RDX: variants seen among roughly 807,000 people sequenced by gnomAD.
RDX encodes the protein radixin.
In RDX, 32 loss-of-function variants were observed where a neutral mutation model predicts 83.7. That is an observed-to-expected ratio of 0.38 (90% CI 0.29 to 0.51). The LOEUF (loss-of-function observed/expected upper bound fraction) is 0.51, where lower values mean the gene tolerates loss of function less well. RDX is among the 20% of genes least tolerant of loss of function. RDX has a pLI of 0.87. For missense variants in RDX, 600 were observed against 689.9 expected, an observed-to-expected ratio of 0.87 and a Z score of 1.46; for synonymous variants, 229 against 222.7, an observed-to-expected ratio of 1.03 and a Z score of -0.25.
At chr11:110,249,809 T>A (rs938659138) in intron 9 of RDX, among the ~76,000 whole-genome samples, 10 of 152,130 alleles carry the variant, frequency 6.6e-5, no homozygotes, top group Non-Finnish European at 1.5e-4. Flanking sequence ...AGGAGGTCAA[T>A]GTTGCAGTTA....
rs188710710 is a variant in RDX, at chr11:110,262,151, C to G, written c.467+1809G>C. On this transcript the variant is annotated intron_variant, in intron 5 of 13. Coordinates refer to ENST00000645495, the MANE Select transcript of RDX (RefSeq NM_002906.4). ...GATGAAGAATCTTAGGTTAGAATAA[C>G]ATTCAAAACCAGAATATAAACAGAC... Among the ~76,000 whole-genome samples the G allele has an allele frequency of 2.0e-3, 310 of 152,222 alleles. 2 individuals are homozygous for G. Among genetic ancestry groups the G allele is most frequent in the African/African-American group, 4.8e-3 (199 of 41,548 alleles).
chr11:110,207,671 A>G (rs2134248947), intron 14 of RDX, among the ~76,000 whole-genome samples: 1 of 152,214 alleles, frequency 6.6e-6, no homozygotes, highest in South Asian at 2.1e-4. Flanking sequence ...CATGAATTGT[A>G]TGAAATTCAG....
chr11:110,192,348 A>G (rs1274993495), intron 15 of RDX, among the ~76,000 whole-genome samples: 2 of 152,220 alleles, frequency 1.3e-5, no homozygotes, highest in East Asian at 3.8e-4. Context: ...AAAAGAATGA[A>G]ACTAGACCAC....
chr11:110,295,653 A>AAAAC (rs1555051126), intron 1 of RDX, among the ~76,000 whole-genome samples: 2,130 of 150,946 alleles, frequency 0.014, 64 homozygotes, highest in African/African-American at 0.049. Flanking sequence ...AAAAAAAAAA[A>AAAAC]AAAACAAAAA....
At chr11:110,295,274 C>T (rs1194835996) in intron 1 of RDX, among the ~76,000 whole-genome samples, 5 of 145,660 alleles carry the variant, frequency 3.4e-5, no homozygotes, top group African/African-American at 1.3e-4. Flanking sequence ...TCCTTCTTAG[C>T]TCCATCAGTC....
chr11:110,225,837 A>T (rs1206924335), downstream of RDX, among the ~76,000 whole-genome samples: 2 of 152,060 alleles, frequency 1.3e-5, no homozygotes, highest in Admixed American at 6.6e-5. Context: ...ACCTGAGGTT[A>T]GGAGTTCAAG....
At chr11:110,217,302 C>T (rs1269674059) in intron 14 of RDX, among the ~76,000 whole-genome samples, 1 of 152,128 alleles carries the variant, frequency 6.6e-6, no homozygotes, top group African/African-American at 2.4e-5. Context: ...ATGATTCAAC[C>T]TAGTAATACA....
intron 1 of RDX, among the ~76,000 whole-genome samples, chr11:110,290,157 C>T (rs1264087088): frequency 6.6e-6 from 1 of 151,784 alleles, no homozygotes; most frequent in African/African-American, 2.4e-5. Flanking sequence ...AAGAAACATC[C>T]AGAACTCACA....
At chr11:110,179,919 T>TTTTTTTACA in intron 15 of RDX, 1 of 414,466 alleles carries the variant, frequency 2.4e-6, no homozygotes, top group Non-Finnish European at 4.7e-6. Context: ...TTTTTTTTTT[T>TTTTTTTACA]GAGACAGAGT....
At chr11:110,204,136 G>A (rs976691308) in intron 14 of RDX, among the ~76,000 whole-genome samples, 3 of 152,094 alleles carry the variant, frequency 2.0e-5, no homozygotes, top group Admixed American at 6.6e-5. Flanking sequence ...AAGTTTTATG[G>A]ATGGAGAAGA....
intron 2 of RDX, among the ~76,000 whole-genome samples, chr11:110,278,739 T>C (rs931512473): frequency 6.6e-6 from 1 of 152,030 alleles, no homozygotes; most frequent in African/African-American, 2.4e-5. Context: ...CCTCTAACAA[T>C]GCATACTTTG....
At chr11:110,234,793 A>G (rs903058825) in intron 12 of RDX, among the ~76,000 whole-genome samples, 11 of 152,228 alleles carry the variant, frequency 7.2e-5, no homozygotes, top group African/African-American at 2.7e-4. Flanking sequence ...AAATTACCCA[A>G]TGAAATTTAA....
intron 7 of RDX, among the ~76,000 whole-genome samples, chr11:110,257,179 T>C (rs1386441070): frequency 2.0e-5 from 3 of 151,212 alleles, no homozygotes; most frequent in South Asian, 2.1e-4. Flanking sequence ...ATATTATACA[T>C]ATAATAAAAT....
At position 110,210,970 on chromosome 11, in the gene RDX, G is replaced by A. The variant is rs145082094; in HGVS notation, c.1749-11292C>T. Among the ~76,000 whole-genome samples the A allele has an allele frequency of 9.4e-3, 1,424 of 151,112 alleles. 30 individuals carry two copies. Among genetic ancestry groups the A allele is most frequent in the African/African-American group, 0.033 (1,354 of 41,076 alleles). On this transcript the variant is annotated intron_variant, in intron 14 of 15. Coordinates refer to the RDX transcript ENST00000528498. ...ATAACCAGCTAACATCATAATGACA[G>A]GATCAAATTCACACATAACAATATT... is the stretch of plus-strand genomic sequence containing the variant.
chr11:110,183,212 G>A (rs1862922181), intron 15 of RDX, among the ~76,000 whole-genome samples: 2 of 152,214 alleles, frequency 1.3e-5, no homozygotes, highest in Admixed American at 1.3e-4. Flanking sequence ...GGACCTGCCA[G>A]CTCCTCTCAG....
At chr11:110,234,989 A>G (rs1193717018) in intron 12 of RDX, among the ~76,000 whole-genome samples, 1 of 152,062 alleles carries the variant, frequency 6.6e-6, no homozygotes, top group East Asian at 1.9e-4. Context: ...CTCTCCAACC[A>G]AAGCCTGATT....
intron 5 of RDX, among the ~76,000 whole-genome samples, chr11:110,261,987 T>C (rs545589421): frequency 6.8e-4 from 104 of 152,308 alleles, no homozygotes; most frequent in African/African-American, 2.4e-3. Flanking sequence ...ATCAATGCTG[T>C]ACTTGTTTAG....
chr11:110,208,723 C>T (rs946116638), intron 14 of RDX, among the ~76,000 whole-genome samples: 4 of 152,140 alleles, frequency 2.6e-5, no homozygotes, highest in Non-Finnish European at 4.4e-5. Flanking sequence ...CTTTGGGAGG[C>T]TGTCAGGCGG....
At chr11:110,251,563 C>G (rs1002474138) in intron 9 of RDX, among the ~76,000 whole-genome samples, 1 of 152,098 alleles carries the variant, frequency 6.6e-6, no homozygotes, top group South Asian at 2.1e-4. Flanking sequence ...GTTCCAAAGC[C>G]TGTGTTCTTT....
Sources: gnomAD v4.1 joint callset for allele counts (sites outside exome capture counted in the v4.1 genomes callset) on GRCh38, gnomAD v4.1.1 for gene constraint, MANE v1.5 for transcripts, NCBI Gene and HGNC (gene_info 2026-07-23, HGNC 2026-07-21) for gene names.